Variants in THSD7B observed in about 807,000 individuals in gnomAD.
THSD7B encodes thrombospondin type 1 domain containing 7B, also known as thrombospondin type-1 domain-containing protein 7B.
In THSD7B, 138 loss-of-function variants were observed where a neutral mutation model predicts 213.6. That is an observed-to-expected ratio of 0.65 (90% CI 0.56 to 0.74). THSD7B has a LOEUF of 0.74. THSD7B is among the 30% of genes least tolerant of loss of function. The probability of loss-of-function intolerance (pLI) is 0.00; values close to 1 mark genes in which losing one functional copy is unlikely to be tolerated. For missense variants in THSD7B, 1,931 were observed against 1,991.5 expected, an observed-to-expected ratio of 0.97 and a Z score of 0.58; for synonymous variants, 742 against 687.0, an observed-to-expected ratio of 1.08 and a Z score of -1.25.
At chr2:137,246,048 A>G (rs1682025414) in intron 10 of THSD7B, among the ~76,000 whole-genome samples, 1 of 152,122 alleles carries the variant, frequency 6.6e-6, no homozygotes, top group Non-Finnish European at 1.5e-5. Context: ...TGTCTGATCA[A>G]AGTTTTAAAG....
chr2:137,066,226 C>G (rs1478738652), intron 3 of THSD7B, among the ~76,000 whole-genome samples: 1 of 129,022 alleles, frequency 7.8e-6, no homozygotes. Flanking sequence ...GAGTCTGGCT[C>G]TGTCTCCCAG....
At chr2:137,483,627 G>T (rs1284207249) in intron 15 of THSD7B, among the ~76,000 whole-genome samples, 2 of 152,012 alleles carry the variant, frequency 1.3e-5, no homozygotes, top group African/African-American at 2.4e-5. Context: ...AAAGCACTGG[G>T]GTGGGGACAA....
intron 2 of THSD7B, among the ~76,000 whole-genome samples, chr2:136,908,622 A>G (rs1448272681): frequency 6.6e-6 from 1 of 152,164 alleles, no homozygotes; most frequent in Non-Finnish European, 1.5e-5. Context: ...GAGTTTGCAC[A>G]TATTTACCAA....
intron 10 of THSD7B, among the ~76,000 whole-genome samples, chr2:137,271,847 G>A (rs949667759): frequency 2.0e-5 from 3 of 152,002 alleles, no homozygotes; most frequent in African/African-American, 7.2e-5. Context: ...TGATTCAGAA[G>A]GCATCTAAAG....
At chr2:137,159,382 G>A (rs1330744285) in intron 5 of THSD7B, among the ~76,000 whole-genome samples, 2 of 151,560 alleles carry the variant, frequency 1.3e-5, no homozygotes, top group Admixed American at 1.3e-4. Flanking sequence ...GAGCTATGAT[G>A]GTACCACTGC....
chr2:137,236,937 C>T (rs993513789), intron 9 of THSD7B, among the ~76,000 whole-genome samples: 3 of 151,960 alleles, frequency 2.0e-5, no homozygotes, highest in African/African-American at 7.3e-5. Context: ...ATGGTGAAAC[C>T]CCATCTCTAC....
intron 12 of THSD7B, among the ~76,000 whole-genome samples, chr2:137,360,765 C>G (rs535483564): frequency 9.9e-5 from 15 of 152,216 alleles, no homozygotes; most frequent in Non-Finnish European, 1.6e-4. Flanking sequence ...CTGTACACCC[C>G]ACCTCTGGGG....
chr2:137,455,362 T>A (rs893841073), intron 15 of THSD7B, among the ~76,000 whole-genome samples: 1 of 152,188 alleles, frequency 6.6e-6, no homozygotes, highest in Admixed American at 6.5e-5. Flanking sequence ...ATCCCCAAAT[T>A]ATCATTGCCC....
rs185859962 is a variant in THSD7B at position 137,139,455 on chromosome 2, C to T, written c.1370-20758C>T. 4.8e-3 allele frequency among the ~76,000 whole-genome samples: 734 copies of T among 152,296 alleles called. 11 individuals carry two copies. Among genetic ancestry groups the T allele is most frequent in the Middle Eastern group, 0.02 (6 of 294 alleles). ...AGCCAATGTGATACAGATGCAAATG[C>T]ACTCACTGACCAGTGCTTCGGTGGA... On this transcript the variant is annotated intron_variant, in intron 5 of 27. Coordinates refer to ENST00000409968, the MANE Select transcript of THSD7B (RefSeq NM_001316349.2).
chr2:137,021,726 C>A (rs909130164), intron 2 of THSD7B, among the ~76,000 whole-genome samples: 1 of 152,162 alleles, frequency 6.6e-6, no homozygotes. Flanking sequence ...CCTCATGTGC[C>A]TGTTTATAGA....
chr2:137,599,375 A>G (rs1682031685), intron 17 of THSD7B, among the ~76,000 whole-genome samples: 1 of 152,130 alleles, frequency 6.6e-6, no homozygotes, highest in South Asian at 2.1e-4. Context: ...GCCAAAAATC[A>G]CATGAAAAAA....
chr2:136,846,828 A>G (rs1683016947), intron 1 of THSD7B, among the ~76,000 whole-genome samples: 1 of 152,076 alleles, frequency 6.6e-6, no homozygotes, highest in Admixed American at 6.6e-5. Flanking sequence ...TTTACTAGCA[A>G]CTCTATTTCC....
chr2:137,572,511 T>G lies in THSD7B; in HGVS notation c.3378T>G (p.Asn1126Lys). Residue 1126 changes from asparagine (N) to lysine (K), a missense_variant, in exon 17 of 28, where the codon AAT becomes AAG. Coordinates refer to ENST00000409968, the MANE Select transcript of THSD7B (RefSeq NM_001316349.2). ...ETQSCSLMCP[N>K]ECVMSEWGLW... Reference sequence around the variant, plus strand: ...AGTCCTGTTCTCTTATGTGTCCCAATGAGTGTGTCATGTCTGAGTGGGGAC... The same window carrying G: ...AGTCCTGTTCTCTTATGTGTCCCAAGGAGTGTGTCATGTCTGAGTGGGGAC... 1 of 1,613,908 alleles carries G rather than the reference T, an allele frequency of 6.2e-7. No individual in the cohort carries two copies.
In THSD7B at chr2:137,580,618, G is replaced by A. The variant is rs1681553548; in HGVS notation, c.3423+8062G>A. Among the ~76,000 whole-genome samples, 3 of 152,082 alleles carry A rather than the reference G, an allele frequency of 2.0e-5. 1 individual carries two copies. In the South Asian group the frequency reaches 6.2e-4, roughly 32 times the overall value. On this transcript the variant is annotated intron_variant, in intron 17 of 27. Coordinates refer to ENST00000409968, the MANE Select transcript of THSD7B (RefSeq NM_001316349.2). ...TCAAAAATCATTTTTATCTTTTCCTGGTATATTAGATTGTTCTCATGTTGC... is the reference window on the plus strand; with the variant it reads ...TCAAAAATCATTTTTATCTTTTCCTAGTATATTAGATTGTTCTCATGTTGC...
intron 1 of THSD7B, among the ~76,000 whole-genome samples, chr2:136,857,850 T>C (rs1284173848): frequency 1.3e-5 from 2 of 152,244 alleles, no homozygotes; most frequent in Non-Finnish European, 2.9e-5. Flanking sequence ...TTTTTCCTCT[T>C]TTAAACTAAA....
chr2:137,573,511 T>C (rs1297725384), intron 17 of THSD7B, among the ~76,000 whole-genome samples: 2 of 152,128 alleles, frequency 1.3e-5, no homozygotes, highest in East Asian at 3.8e-4. Context: ...TTTTTATTTG[T>C]TGAGTTGTTT....
intron 12 of THSD7B, among the ~76,000 whole-genome samples, chr2:137,329,028 G>A (rs1011288645): frequency 6.6e-6 from 1 of 152,174 alleles, no homozygotes; most frequent in African/African-American, 2.4e-5. Context: ...AGACTAGGGT[G>A]CTGCCATAAA....
chr2:137,459,948 AG>A (rs1687852412), intron 15 of THSD7B, among the ~76,000 whole-genome samples: 1 of 152,180 alleles, frequency 6.6e-6, no homozygotes, highest in Non-Finnish European at 1.5e-5. Flanking sequence ...GAATACTACC[AG>A]GGTTAAGATT....
intron 1 of THSD7B, among the ~76,000 whole-genome samples, chr2:136,837,447 C>T (rs147429496): frequency 0.01 from 1,591 of 152,338 alleles, 13 homozygotes; most frequent in Middle Eastern, 0.051. Flanking sequence ...CCTCCTCATT[C>T]ACAAATCTGT....
Sources: gnomAD v4.1 joint callset for allele counts (sites outside exome capture counted in the v4.1 genomes callset) on GRCh38, gnomAD v4.1.1 for gene constraint, MANE v1.5 for transcripts, NCBI Gene and HGNC (gene_info 2026-07-23, HGNC 2026-07-21) for gene names.